MCC: variants seen among roughly 807,000 people sequenced by gnomAD.
MCC encodes MCC regulator of Wnt signaling pathway, also known as colorectal mutant cancer protein.
Under a neutral mutation model 116.2 loss-of-function variants are expected in MCC, and 90 were observed. The ratio of observed to expected loss-of-function variants is 0.77; its 90% CI spans 0.65 to 0.92. The LOEUF (loss-of-function observed/expected upper bound fraction) is 0.92. Ranked by LOEUF, MCC falls within the 40% of genes least tolerant of loss-of-function variation. The pLI is 0.00. For synonymous variants in MCC, 578 were observed against 510.5 expected, an observed-to-expected ratio of 1.13 and a Z score of -1.78; for missense variants, 1,516 against 1,312.2, an observed-to-expected ratio of 1.16 and a Z score of -2.40.
intron 3 of MCC, among the ~76,000 whole-genome samples, chr5:113,167,076 G>C (rs1760810383): frequency 6.6e-6 from 1 of 152,146 alleles, no homozygotes; most frequent in African/African-American, 2.4e-5. Context: ...CCCTGCCTGG[G>C]AGTTTGGTCG....
chr5:113,467,757 C>T (rs1771957378), intron 1 of MCC, among the ~76,000 whole-genome samples: 1 of 152,162 alleles, frequency 6.6e-6, no homozygotes, highest in Admixed American at 6.5e-5. Flanking sequence ...GGCACTGAAT[C>T]TATAAATTAC....
At chr5:113,374,639 A>C (rs140778685) in intron 2 of MCC, among the ~76,000 whole-genome samples, 89 of 152,278 alleles carry the variant, frequency 5.8e-4, no homozygotes, top group African/African-American at 2.0e-3. Flanking sequence ...AATTTTAAGC[A>C]ATTTACCAAG....
chr5:113,119,202 G>A (rs1259343130), intron 6 of MCC, among the ~76,000 whole-genome samples: 1 of 152,222 alleles, frequency 6.6e-6, no homozygotes, highest in African/African-American at 2.4e-5. Flanking sequence ...TGCCCGCGTG[G>A]AGCCTGCACT....
rs1480942064 is a variant in MCC, at chr5:113,026,445, G to A, written c.*857C>T. Reference sequence around the variant, plus strand: ...CCCTGGGGCGGGAAGTGCTAATAATGTTTCTCAGCTCTTGAAGAAACCCCT... The same window carrying A: ...CCCTGGGGCGGGAAGTGCTAATAATATTTCTCAGCTCTTGAAGAAACCCCT... On this transcript the variant is annotated 3_prime_UTR_variant, in exon 19 of 19. Transcript: ENST00000408903. 1 of 152,210 alleles carries A rather than the reference G, an allele frequency of 6.6e-6. No homozygotes were observed. The highest frequency in any genetic ancestry group is 1.5e-5 in the Non-Finnish European group (1 of 68,054). The allele number at this position is 152,210 out of a possible 1,614,324, so 9.4% of individuals were successfully genotyped here. A position where few individuals can be genotyped will look rare whatever the true frequency, so the allele number is the denominator to read the frequency against.
chr5:113,050,777 G>A (rs150157194), intron 15 of MCC, among the ~76,000 whole-genome samples: 112 of 152,360 alleles, frequency 7.4e-4, no homozygotes, highest in African/African-American at 2.5e-3. Context: ...AGGGAACTCT[G>A]CCAGAGAGAA....
At chr5:113,292,794 T>C (rs1444583283) in intron 3 of MCC, among the ~76,000 whole-genome samples, 1 of 151,908 alleles carries the variant, frequency 6.6e-6, no homozygotes, top group African/African-American at 2.4e-5. Context: ...TGGCAAAGAG[T>C]CTCTGCAAAA....
At chr5:113,295,412 A>G (rs1304527918) in intron 3 of MCC, among the ~76,000 whole-genome samples, 1 of 149,060 alleles carries the variant, frequency 6.7e-6, no homozygotes, top group African/African-American at 2.4e-5. Flanking sequence ...GGCAGAGTAC[A>G]TTTTCTGCAT....
chr5:113,239,657 G>T (rs1764288478), intron 3 of MCC, among the ~76,000 whole-genome samples: 1 of 152,184 alleles, frequency 6.6e-6, no homozygotes, highest in African/African-American at 2.4e-5. Flanking sequence ...TCAAAGTGCT[G>T]CCCATTTGTG....
chr5:113,145,746 A>C (rs1456175296), intron 4 of MCC, among the ~76,000 whole-genome samples: 2 of 10,952 alleles, frequency 1.8e-4, no homozygotes, highest in Admixed American at 1.0e-3. Context: ...TTACACACAC[A>C]CACACACACA....
At chr5:113,362,061 A>G (rs537877815) in intron 2 of MCC, among the ~76,000 whole-genome samples, 12 of 151,946 alleles carry the variant, frequency 7.9e-5, no homozygotes, top group Non-Finnish European at 1.2e-4. Flanking sequence ...TATTAAATCC[A>G]CCCTCATATA....
chr5:113,048,269 T>C (rs1189419586), intron 16 of MCC, among the ~76,000 whole-genome samples: 2 of 152,194 alleles, frequency 1.3e-5, no homozygotes, highest in Non-Finnish European at 2.9e-5. Context: ...AGGTCAACCA[T>C]GGTCTGAAAA....
chr5:113,344,985 C>T (rs572175469), intron 2 of MCC, among the ~76,000 whole-genome samples: 1 of 152,260 alleles, frequency 6.6e-6, no homozygotes, highest in East Asian at 1.9e-4. Context: ...AACAAGCAGG[C>T]TCTTGGACAG....
At position 113,488,333 on chromosome 5, in the gene MCC, T is replaced by TGCC; in HGVS notation, c.81_82insGGC (p.Ser27_Ser28insGly). On this transcript the variant is annotated inframe_insertion, in exon 1 of 19. Coordinates refer to ENST00000408903, the MANE Select transcript of MCC (RefSeq NM_001085377.2). ...TCGCCGGTGCTGGACGTGTCGCTGC[T>TGCC]GCTGCTGCTGCTGCCGCTGCCGCCG... 2 of 1,464,228 alleles carry TGCC rather than the reference T, an allele frequency of 1.4e-6. No homozygotes were observed. Among genetic ancestry groups the TGCC allele is most frequent in the Non-Finnish European group, 1.8e-6 (2 of 1,111,240 alleles). The allele number at this position is 1,464,228 out of a possible 1,614,324, so 90.7% of individuals were successfully genotyped here.
In MCC at chr5:113,104,301, T is replaced by A; in HGVS notation, c.1082A>T (p.Asn361Ile). The change falls in exon 7 of 19, where the codon AAT (asparagine) becomes ATT (isoleucine). Residue 361 changes from asparagine (N) to isoleucine (I), a missense_variant. Asn to Ile is a moderately radical substitution (Grantham distance 149). Coordinates refer to ENST00000408903, the MANE Select transcript of MCC (RefSeq NM_001085377.2). ...ELQRVLTGLE[N>I]VVCGRKKSSC... The stretch of plus-strand genomic sequence containing the variant: ...GCTCTTCTTCCTGCCGCAGACAACA[T>A]TCTCCAGCCCTGTCAGCACCCTCTG... 4 of 1,613,970 alleles carry A rather than the reference T, an allele frequency of 2.5e-6. No individual in the cohort carries two copies. The highest frequency in any genetic ancestry group is 3.4e-6 in the Non-Finnish European group (4 of 1,180,014).
chr5:113,173,754 A>G (rs1761188510), intron 3 of MCC, among the ~76,000 whole-genome samples: 1 of 152,212 alleles, frequency 6.6e-6, no homozygotes, highest in South Asian at 2.1e-4. Flanking sequence ...AGTACAGTGT[A>G]CTAGAATGAA....
At chr5:113,143,100 G>GT in intron 5 of MCC, 118 bp downstream of exon 5, 1 of 1,092,400 alleles carries the variant, frequency 9.2e-7, no homozygotes. Context: ...TTATAATCTA[G>GT]TTTATAATCT....
chr5:113,051,415 A>C (rs1752482895), intron 15 of MCC, among the ~76,000 whole-genome samples: 1 of 152,202 alleles, frequency 6.6e-6, no homozygotes, highest in East Asian at 1.9e-4. Context: ...TGAAGGGATA[A>C]GATGTTCAAA....
intron 3 of MCC, among the ~76,000 whole-genome samples, chr5:113,313,089 G>A (rs556233601): frequency 6.6e-6 from 1 of 152,308 alleles, no homozygotes; most frequent in African/African-American, 2.4e-5. Flanking sequence ...ACTCATGCCT[G>A]TAATCCCAGC....
At chr5:113,446,414 C>A (rs867106785) in intron 1 of MCC, among the ~76,000 whole-genome samples, 1 of 124,624 alleles carries the variant, frequency 8.0e-6, no homozygotes, top group East Asian at 3.6e-4. Context: ...AAATATATAA[C>A]CTTGTTAAAA....
Sources: allele counts gnomAD v4.1 joint callset (sites outside exome capture counted in the v4.1 genomes callset), GRCh38; gene constraint gnomAD v4.1.1; transcripts MANE v1.5; gene names NCBI Gene and HGNC (gene_info 2026-07-23, HGNC 2026-07-21).